The following DSCAM variants were observed in gnomAD, a reference collection of about 807,000 sequenced individuals.
The protein encoded by DSCAM is DS cell adhesion molecule.
DSCAM carries 47 observed loss-of-function variants against 217.7 expected under a neutral mutation model. That is an observed-to-expected ratio of 0.22 (90% CI 0.17 to 0.28). DSCAM has a LOEUF of 0.28. Among genes scored for constraint, DSCAM ranks in the 10% least tolerant of loss-of-function variants. DSCAM has a pLI of 1.00. For missense variants in DSCAM, 2,080 were observed against 2,618.3 expected, an observed-to-expected ratio of 0.79 and a Z score of 4.49; for synonymous variants, 1,056 against 1,015.3, an observed-to-expected ratio of 1.04 and a Z score of -0.76.
intron 3 of DSCAM, among the ~76,000 whole-genome samples, chr21:40,428,964 C>A (rs1327633119): frequency 2.0e-5 from 3 of 152,184 alleles, no homozygotes; most frequent in Admixed American, 2.0e-4. Context: ...ACTGTAACCC[C>A]TTGCAGCATG....
At chr21:40,179,212 C>T (rs1207073299) in intron 14 of DSCAM, 118 bp from the exon 15 acceptor site, 17 of 775,822 alleles carry the variant, frequency 2.2e-5, no homozygotes, top group East Asian at 1.9e-4. Context: ...AAAAAAAAGA[C>T]GGAAAGAAAG....
At chr21:40,790,121 A>T (rs1471268507) in intron 1 of DSCAM, among the ~76,000 whole-genome samples, 1 of 152,038 alleles carries the variant, frequency 6.6e-6, no homozygotes, top group East Asian at 1.9e-4. Flanking sequence ...TGGAGCTCAC[A>T]GGAGCCATAC....
At chr21:40,672,197 G>A (rs560523152) in intron 3 of DSCAM, among the ~76,000 whole-genome samples, 2 of 151,898 alleles carry the variant, frequency 1.3e-5, no homozygotes, top group Non-Finnish European at 2.9e-5. Flanking sequence ...CAGTCACATT[G>A]GGGGTTAGGG....
intron 11 of DSCAM, among the ~76,000 whole-genome samples, chr21:40,266,635 TTATATATATATATATATA>T (rs71186923): frequency 1.8e-4 from 11 of 62,642 alleles, no homozygotes; most frequent in South Asian, 8.0e-4. Flanking sequence ...CAAAGATGTT[TTATATATATATATATATA>T]TATATATATA....
chr21:40,445,628 G>T (rs2075668624), intron 3 of DSCAM, among the ~76,000 whole-genome samples: 2 of 152,166 alleles, frequency 1.3e-5, no homozygotes, highest in Non-Finnish European at 2.9e-5. Context: ...CAAGGTCATA[G>T]ATAAAATCTA....
At position 40,016,468 on chromosome 21, in the gene DSCAM, AT is replaced by A. The variant is rs2088160277; in HGVS notation, c.5687-3083del. On this transcript the variant is annotated intron_variant, in intron 32 of 32. Transcript: ENST00000400454. The surrounding 1 kb of genome is among the most constrained non-coding windows in gnomAD (Gnocchi z 4.3). The stretch of plus-strand genomic sequence containing the variant: ...ATTCAAGACAAGATATCTAGTAGGT[AT>A]TTTTATCATAGAAACGTAGCTCTAG... Among the ~76,000 whole-genome samples the A allele has an allele frequency of 6.6e-6, 1 of 152,220 alleles. No individual in the cohort carries two copies. Among genetic ancestry groups the A allele is most frequent in the Non-Finnish European group, 1.5e-5 (1 of 68,038 alleles).
intron 16 of DSCAM, among the ~76,000 whole-genome samples, chr21:40,165,509 G>C (rs2090585227): frequency 6.6e-6 from 1 of 152,180 alleles, no homozygotes; most frequent in Non-Finnish European, 1.5e-5. Context: ...TGAGAGCCAG[G>C]CTTCCTTTTA....
In DSCAM at chr21:40,087,199, A is replaced by G; in HGVS notation, c.3939T>C (p.Pro1313=). The change falls in exon 22 of 33, where the codon CCT becomes CCC. Residue 1313 remains proline (P), a synonymous_variant. Transcript: ENST00000400454. ...IVLPCKAVGD[P]SPAVKWMKDS... is the part of the protein sequence containing the mutation. ...CTTTCATCCATTTGACTGCAGGAGA[A>G]GGGTCCCCAACAGCCTTACAAGGCA... The G allele has an allele frequency of 2.5e-6, 4 of 1,613,654 alleles. No individual in the cohort carries two copies. Among genetic ancestry groups the G allele is most frequent in the Non-Finnish European group, 3.4e-6 (4 of 1,179,572 alleles).
At chr21:40,076,777 G>C (rs2146549573) in intron 26 of DSCAM, among the ~76,000 whole-genome samples, 1 of 152,192 alleles carries the variant, frequency 6.6e-6, no homozygotes, top group East Asian at 1.9e-4. Flanking sequence ...TTTAAGCTGG[G>C]TGCCCAGGCA....
At chr21:40,422,487 C>T (rs2075434375) in intron 3 of DSCAM, among the ~76,000 whole-genome samples, 1 of 151,482 alleles carries the variant, frequency 6.6e-6, no homozygotes, top group Admixed American at 6.6e-5. Flanking sequence ...TATATATATA[C>T]AAAAATTAGC....
intron 3 of DSCAM, among the ~76,000 whole-genome samples, chr21:40,520,456 TTATAGATTC>T: frequency 6.6e-6 from 1 of 152,308 alleles, no homozygotes; most frequent in South Asian, 2.1e-4. Context: ...TTTTTATATT[TTATAGATTC>T]TTGAGGAGGA....
intron 20 of DSCAM, among the ~76,000 whole-genome samples, chr21:40,098,510 A>T (rs932334739): frequency 2.0e-5 from 3 of 152,234 alleles, no homozygotes; most frequent in Non-Finnish European, 2.9e-5. Flanking sequence ...TCTGGTCCCA[A>T]GTCTGGTGCT....
chr21:40,407,092 T>C (rs66519541), intron 3 of DSCAM, among the ~76,000 whole-genome samples: 19,749 of 152,164 alleles, frequency 0.13, 2,672 homozygotes, highest in African/African-American at 0.35. Flanking sequence ...CTATAGTTAA[T>C]AGCAATGTAT....
intron 3 of DSCAM, among the ~76,000 whole-genome samples, chr21:40,449,825 A>G (rs1028211055): frequency 1.4e-4 from 21 of 152,210 alleles, no homozygotes; most frequent in Non-Finnish European, 1.9e-4. Context: ...ACTGTACCTC[A>G]TAGGAATTTT....
intron 6 of DSCAM, among the ~76,000 whole-genome samples, chr21:40,343,901 T>TTTTTTATTTTATTATTTTATTTCATTTTA (rs2074528842): frequency 7.4e-6 from 1 of 135,160 alleles, no homozygotes; most frequent in Admixed American, 8.2e-5. Flanking sequence ...ATTTTATTTA[T>TTTTTTATTTTATTATTTTATTTCATTTTA]TTTATTTTAT....
chr21:40,484,339 A>G (rs960850806), intron 3 of DSCAM, among the ~76,000 whole-genome samples: 3 of 152,208 alleles, frequency 2.0e-5, no homozygotes, highest in Admixed American at 6.5e-5. Context: ...ACTGTTTACA[A>G]CTCTGCAGAG....
chr21:40,113,535 C>G (rs960901910), intron 20 of DSCAM, among the ~76,000 whole-genome samples: 49 of 152,142 alleles, frequency 3.2e-4, no homozygotes, highest in Non-Finnish European at 5.7e-4. Flanking sequence ...CACTCCTATT[C>G]AACATAGTGT....
chr21:40,603,666 T>G (rs2077079404), intron 3 of DSCAM, among the ~76,000 whole-genome samples: 1 of 152,188 alleles, frequency 6.6e-6, no homozygotes, highest in Non-Finnish European at 1.5e-5. Context: ...CCTTCACTTT[T>G]GAAGAAACAT....
At chr21:40,499,461 T>C (rs1372365944) in intron 3 of DSCAM, among the ~76,000 whole-genome samples, 6 of 152,208 alleles carry the variant, frequency 3.9e-5, no homozygotes, top group African/African-American at 1.4e-4. Context: ...CCTTCCAATC[T>C]GTGCCAGCCT....
Sources: gnomAD v4.1 joint callset for allele counts (sites outside exome capture counted in the v4.1 genomes callset) on GRCh38, gnomAD v4.1.1 for gene constraint, Gnocchi (gnomAD v3.1) non-coding constraint, MANE v1.5 for transcripts, NCBI Gene and HGNC (gene_info 2026-07-23, HGNC 2026-07-21) for gene names.